The following SOX5 variants were observed in gnomAD, a reference collection of about 807,000 sequenced individuals.
The protein encoded by SOX5 is SRY-box transcription factor 5, also known as transcription factor SOX-5.
SOX5 carries 9 observed loss-of-function variants against 92.0 expected under a neutral mutation model. The observed-to-expected ratio is 0.10, with a 90% CI of 0.06 to 0.17. SOX5 has a LOEUF of 0.17. Among genes scored for constraint, SOX5 ranks in the 10% least tolerant of loss-of-function variants. SOX5 has a pLI of 1.00. For missense variants in SOX5, 642 were observed against 944.5 expected (o/e 0.68, Z 4.20); for synonymous variants, 344 against 336.3 (o/e 1.02, Z -0.25).
chr12:23,865,012 C>T (rs779598799), intron 2 of SOX5, among the ~76,000 whole-genome samples: 12 of 152,258 alleles, frequency 7.9e-5, no homozygotes, highest in Non-Finnish European at 1.5e-4. Context: ...GGGGTCAGTA[C>T]ATCTTAAAGT....
intron 7 of SOX5, among the ~76,000 whole-genome samples, chr12:23,654,283 T>TTTA (rs1209692295): frequency 6.6e-6 from 1 of 152,102 alleles, no homozygotes; most frequent in East Asian, 1.9e-4. Context: ...TTTATAATAT[T>TTTA]CCATAATTTA....
intron 2 of SOX5, among the ~76,000 whole-genome samples, chr12:24,340,774 A>G (rs1305573679): frequency 6.6e-6 from 1 of 152,216 alleles, no homozygotes; most frequent in Non-Finnish European, 1.5e-5. Flanking sequence ...CTCTATCAAG[A>G]GCACACCTTT....
intron 2 of SOX5, among the ~76,000 whole-genome samples, chr12:23,894,767 T>C (rs2097161250): frequency 6.6e-6 from 1 of 152,096 alleles, no homozygotes; most frequent in Non-Finnish European, 1.5e-5. Context: ...TGACAGGCAA[T>C]AATTTCCTGG....
chr12:24,201,635 G>A (rs1010772516), intron 4 of SOX5, among the ~76,000 whole-genome samples: 1 of 152,174 alleles, frequency 6.6e-6, no homozygotes, highest in Admixed American at 6.5e-5. Context: ...ACAGAACTCT[G>A]CTAACTCTCA....
intron 4 of SOX5, among the ~76,000 whole-genome samples, chr12:24,206,841 C>T (rs930087965): frequency 6.6e-6 from 1 of 152,208 alleles, no homozygotes; most frequent in South Asian, 2.1e-4. Flanking sequence ...GGGAAATCCA[C>T]AGCCAGAGCT....
intron 4 of SOX5, among the ~76,000 whole-genome samples, chr12:24,184,141 C>T (rs1433998458): frequency 6.6e-6 from 1 of 152,090 alleles, no homozygotes. Context: ...GATAAATGGA[C>T]AATTAGATAG....
chr12:24,274,638 G>C (rs1000625775), intron 3 of SOX5, among the ~76,000 whole-genome samples: 4 of 145,566 alleles, frequency 2.7e-5, no homozygotes, highest in Non-Finnish European at 6.0e-5. Context: ...TCTCTTACAA[G>C]TTCAAAGAGT....
intron 1 of SOX5, among the ~76,000 whole-genome samples, chr12:24,398,222 G>A (rs1284208108): frequency 6.6e-6 from 1 of 152,096 alleles, no homozygotes; most frequent in Non-Finnish European, 1.5e-5. Context: ...TTTGTTTTTA[G>A]GCCAGATGCA....
intron 3 of SOX5, among the ~76,000 whole-genome samples, chr12:23,820,272 GTTGTTTAATGTTGTAAAT>G (rs2096081054): frequency 6.6e-6 from 1 of 152,004 alleles, no homozygotes; most frequent in South Asian, 2.1e-4. Context: ...TTTTGGTGGA[GTTGTTTAATGTTGTAAAT>G]TTGTTTAAGT....
chr12:23,665,998 T>C (rs1325549951), intron 6 of SOX5, among the ~76,000 whole-genome samples: 1 of 152,178 alleles, frequency 6.6e-6, no homozygotes, highest in Non-Finnish European at 1.5e-5. Flanking sequence ...TATATGTAAA[T>C]AGCTCTTCAT....
At chr12:24,250,657 A>G (rs1182947519) in intron 3 of SOX5, among the ~76,000 whole-genome samples, 17 of 152,256 alleles carry the variant, frequency 1.1e-4, no homozygotes, top group Admixed American at 1.0e-3. Flanking sequence ...TCAAAACTCT[A>G]TTTTTATTTA....
intron 2 of SOX5, among the ~76,000 whole-genome samples, chr12:23,890,602 A>G (rs1250764704): frequency 6.6e-6 from 1 of 152,116 alleles, no homozygotes; most frequent in Non-Finnish European, 1.5e-5. Flanking sequence ...TGCTTCTGAT[A>G]TTGCTACTTG....
chr12:24,544,292 A>C (rs954293965), intron 1 of SOX5, among the ~76,000 whole-genome samples: 1 of 152,224 alleles, frequency 6.6e-6, no homozygotes, highest in Admixed American at 6.5e-5. Flanking sequence ...TTCCAAAAAG[A>C]TGGGTAAGAA....
At chr12:24,358,923 A>G (rs1450027720) in intron 2 of SOX5, among the ~76,000 whole-genome samples, 1 of 152,222 alleles carries the variant, frequency 6.6e-6, no homozygotes, top group Non-Finnish European at 1.5e-5. Context: ...CTTCTTCACT[A>G]AAGTCTCACG....
At chr12:23,794,066 T>C (rs1372009073) in intron 3 of SOX5, among the ~76,000 whole-genome samples, 1 of 152,190 alleles carries the variant, frequency 6.6e-6, no homozygotes, top group African/African-American at 2.4e-5. Context: ...TAATGTAATA[T>C]GAATTAACAA....
At chr12:23,781,451 T>C (rs533671836) in intron 3 of SOX5, among the ~76,000 whole-genome samples, 73 of 152,164 alleles carry the variant, frequency 4.8e-4, no homozygotes, top group African/African-American at 1.7e-3. Context: ...ACAGCTGTGA[T>C]TGCCTTTTCT....
intron 8 of SOX5, among the ~76,000 whole-genome samples, chr12:23,606,287 C>A (rs1283966207): frequency 2.6e-5 from 4 of 151,760 alleles, no homozygotes; most frequent in Non-Finnish European, 5.9e-5. Context: ...TGTATATTCA[C>A]AAGTTAACTA....
chr12:23,753,346 C>T (rs1177937425), intron 4 of SOX5, among the ~76,000 whole-genome samples: 1 of 151,540 alleles, frequency 6.6e-6, no homozygotes, highest in Non-Finnish European at 1.5e-5. Context: ...GAAAAGGGCA[C>T]ACACACACGC....
chr12:24,247,405 TAGG>T (rs1291283609), intron 3 of SOX5, among the ~76,000 whole-genome samples: 1 of 152,080 alleles, frequency 6.6e-6, no homozygotes, highest in African/African-American at 2.4e-5. Context: ...GTTCGAGGAC[TAGG>T]AGTTCTTGCA....
Sources: allele counts gnomAD v4.1 joint callset (sites outside exome capture counted in the v4.1 genomes callset), GRCh38; gene constraint gnomAD v4.1.1; transcripts MANE v1.5; gene names NCBI Gene and HGNC (gene_info 2026-07-23, HGNC 2026-07-21).